The following TSHZ2 variants were observed in gnomAD, a reference collection of about 807,000 sequenced individuals.
TSHZ2 encodes the protein teashirt zinc finger homeobox 2, also known as teashirt homolog 2.
TSHZ2 carries 21 observed loss-of-function variants against 74.4 expected under a neutral mutation model. The ratio of observed to expected loss-of-function variants is 0.28; its 90% CI spans 0.20 to 0.41. The LOEUF is 0.41. Among genes scored for constraint, TSHZ2 ranks in the 10% least tolerant of loss-of-function variants. TSHZ2 has a pLI of 1.00. For missense variants in TSHZ2, 1,244 were observed against 1,293.5 expected, an observed-to-expected ratio of 0.96 and a Z score of 0.59; for synonymous variants, 540 against 515.3, an observed-to-expected ratio of 1.05 and a Z score of -0.65.
chr20:53,145,451 T>A (rs1224881217), intron 1 of TSHZ2, among the ~76,000 whole-genome samples: 1 of 152,150 alleles, frequency 6.6e-6, no homozygotes, highest in Non-Finnish European at 1.5e-5. Flanking sequence ...GTACACATTC[T>A]TTCTTTGGTT....
At chr20:53,080,625 TAC>T (rs756127334) in intron 1 of TSHZ2, among the ~76,000 whole-genome samples, 13 of 152,172 alleles carry the variant, frequency 8.5e-5, no homozygotes, top group Middle Eastern at 6.3e-3. Flanking sequence ...ATCCCTCGCA[TAC>T]ACAGTTCACA....
At chr20:52,973,677 C>G (rs1981217288) in intron 1 of TSHZ2, among the ~76,000 whole-genome samples, 1 of 152,192 alleles carries the variant, frequency 6.6e-6, no homozygotes, top group African/African-American at 2.4e-5. Context: ...GACAGCCCCT[C>G]CACCCCTGCA....
At chr20:53,135,143 T>C (rs183775881) in intron 1 of TSHZ2, among the ~76,000 whole-genome samples, 90 of 152,330 alleles carry the variant, frequency 5.9e-4, no homozygotes, top group Non-Finnish European at 7.9e-4. Flanking sequence ...TTTTGTCTTA[T>C]TTTTAAAATT....
At position 53,129,083 on chromosome 20, in the gene TSHZ2, G is replaced by A. The variant is rs564777971; in HGVS notation, c.41-124416G>A. ...GGAGAATCTCTGCACTAAGATATAT[G>A]TAAAATTATATCCAGTGAAACATTG... On this transcript the variant is annotated intron_variant, in intron 1 of 2. Coordinates refer to ENST00000371497, the MANE Select transcript of TSHZ2 (RefSeq NM_173485.6). 3.3e-5 allele frequency among the ~76,000 whole-genome samples: 5 copies of A among 152,214 alleles called. No homozygotes were observed. The East Asian group carries it at 7.7e-4, about 24-fold the overall frequency.
intron 2 of TSHZ2, among the ~76,000 whole-genome samples, chr20:53,313,617 A>G (rs1454207236): frequency 1.3e-5 from 2 of 152,196 alleles, no homozygotes; most frequent in Admixed American, 1.3e-4. Context: ...TGTCTCGTCT[A>G]TGGAATAGGA....
Position 53,381,560 on chromosome 20 carries a change from T to C in TSHZ2, c.*9-105584T>C, listed in dbSNP as rs151077132. 1.9e-4 allele frequency among the ~76,000 whole-genome samples: 29 copies of C among 152,340 alleles called. 2 individuals are homozygous for C. In the East Asian group the frequency reaches 5.6e-3, roughly 29 times the overall value. On this transcript the variant is annotated intron_variant, in intron 2 of 2. Transcript: ENST00000371497. ...TGTGTGAAAAATATAACTGGCTTCA[T>C]TTTTATCCTATAAATTAATTTCTTT...
intron 2 of TSHZ2, among the ~76,000 whole-genome samples, chr20:53,305,707 C>T (rs1568860800): frequency 6.6e-6 from 1 of 152,084 alleles, no homozygotes; most frequent in African/African-American, 2.4e-5. Flanking sequence ...TGGCCGGGTG[C>T]GGTGGCTCAC....
intron 1 of TSHZ2, among the ~76,000 whole-genome samples, chr20:53,161,024 A>C (rs796121796): frequency 2.4e-4 from 29 of 121,246 alleles, no homozygotes; most frequent in African/African-American, 1.0e-3. Context: ...AAGAAACAGC[A>C]AAATGTTTGG....
chr20:53,167,883 T>C (rs372860576), intron 1 of TSHZ2, among the ~76,000 whole-genome samples: 2 of 152,318 alleles, frequency 1.3e-5, no homozygotes, highest in East Asian at 3.9e-4. Context: ...AAGTTGAACA[T>C]GTGAATAACT....
intron 1 of TSHZ2, among the ~76,000 whole-genome samples, chr20:52,993,742 CA>C (rs1982072851): frequency 6.6e-6 from 1 of 152,170 alleles, no homozygotes; most frequent in Non-Finnish European, 1.5e-5. Flanking sequence ...TAAATGAAGA[CA>C]AGGGGAAGGG....
intron 1 of TSHZ2, among the ~76,000 whole-genome samples, chr20:53,200,884 T>G (rs1332609631): frequency 1.3e-5 from 2 of 152,170 alleles, no homozygotes; most frequent in East Asian, 3.8e-4. Flanking sequence ...ATAATTATGG[T>G]GGGAACAATG....
At position 53,255,789 on chromosome 20, in the gene TSHZ2, C is replaced by G. The variant is rs138217126; in HGVS notation, c.2331C>G (p.Ser777=). 97 of 1,614,002 alleles carry G rather than the reference C, an allele frequency of 6.0e-5. No individual in the cohort carries two copies. The African/African-American group carries it at 1.1e-3, about 19-fold the overall frequency. Residue 777 remains serine, a synonymous_variant, in exon 2 of 3, where the codon TCC becomes TCG. Coordinates refer to ENST00000371497, the MANE Select transcript of TSHZ2 (RefSeq NM_173485.6). The surrounding 1 kb of genome is among the most constrained non-coding windows in gnomAD (Gnocchi z 4.1). The stretch of plus-strand genomic sequence containing the variant: ...AGTCCAAAAGCAAGAAAGCCGAGTC[C>G]TCGCAAGCACAATCTTGTATGTCCC... The part of the protein sequence containing the change: ...LTKSKSKKAE[S]SQAQSCMSPP...
chr20:53,262,560 G>T (rs964160689), intron 2 of TSHZ2, among the ~76,000 whole-genome samples: 2 of 152,216 alleles, frequency 1.3e-5, no homozygotes. Context: ...GGAGTTATTT[G>T]TTAGGGAGCT....
chr20:53,464,767 C>T (rs1240272165), intron 2 of TSHZ2, among the ~76,000 whole-genome samples: 1 of 152,030 alleles, frequency 6.6e-6, no homozygotes, highest in Admixed American at 6.6e-5. Context: ...CACGCCCAGT[C>T]AGTATTTTTC....
rs750678355 is a variant in TSHZ2, at chr20:53,254,018, C to T, written c.560C>T (p.Ser187Leu). 8.7e-6 allele frequency: 14 copies of T among 1,613,990 alleles called. No homozygotes were observed. Among genetic ancestry groups the T allele is most frequent in the South Asian group, 1.1e-5 (1 of 91,066 alleles). ...CAGAACTTGCCTTCTCGGTCCGTCTCGAAACCCAGCCTGTTCAGCTCGGTG... is the reference window on the plus strand; with the variant it reads ...CAGAACTTGCCTTCTCGGTCCGTCTTGAAACCCAGCCTGTTCAGCTCGGTG... ...LQQNLPSRSV[S>L]KPSLFSSVQL... The change falls in exon 2 of 3, where the codon TCG becomes TTG. Residue 187 changes from serine to leucine, a missense_variant. Ser to Leu is a moderately radical substitution (Grantham distance 145, BLOSUM62 -2). Coordinates refer to ENST00000371497, the MANE Select transcript of TSHZ2 (RefSeq NM_173485.6).
intron 2 of TSHZ2, among the ~76,000 whole-genome samples, chr20:53,350,979 C>A (rs1420410712): frequency 6.6e-6 from 1 of 152,198 alleles, no homozygotes; most frequent in Non-Finnish European, 1.5e-5. Flanking sequence ...ATTCAGGGAA[C>A]AAAGCTTTTA....
At chr20:53,001,922 A>G (rs1287570351) in intron 1 of TSHZ2, among the ~76,000 whole-genome samples, 1 of 152,170 alleles carries the variant, frequency 6.6e-6, no homozygotes, top group Non-Finnish European at 1.5e-5. Context: ...GAACGGACTA[A>G]AGAACATCAT....
At chr20:53,242,228 G>A (rs911539070) in intron 1 of TSHZ2, among the ~76,000 whole-genome samples, 1 of 152,018 alleles carries the variant, frequency 6.6e-6, no homozygotes, top group African/African-American at 2.4e-5. Context: ...GCCTCTACCT[G>A]CCAGATACCA....
chr20:53,386,692 A>C (rs1218739735), intron 2 of TSHZ2, among the ~76,000 whole-genome samples: 1 of 152,144 alleles, frequency 6.6e-6, no homozygotes, highest in Non-Finnish European at 1.5e-5. Context: ...CTGTGTGTAT[A>C]AAACATTAGT....
Sources: allele counts gnomAD v4.1 joint callset (sites outside exome capture counted in the v4.1 genomes callset), GRCh38; gene constraint gnomAD v4.1.1; non-coding constraint Gnocchi (gnomAD v3.1); transcripts MANE v1.5; gene names NCBI Gene and HGNC (gene_info 2026-07-23, HGNC 2026-07-21).